Variants in TRPC3 observed in about 807,000 individuals in gnomAD.
The protein encoded by TRPC3 is transient receptor potential cation channel subfamily C member 3, also known as short transient receptor potential channel 3.
A neutral mutation model predicts 90.9 loss-of-function variants in TRPC3; 54 were observed. The observed-to-expected ratio is 0.59, with a 90% CI of 0.48 to 0.75. The LOEUF (loss-of-function observed/expected upper bound fraction) is 0.75, where lower values mean the gene tolerates loss of function less well. Among genes scored for constraint, TRPC3 ranks in the 30% least tolerant of loss-of-function variants. TRPC3 has a pLI of 0.00. For synonymous variants in TRPC3, 424 were observed against 450.9 expected (o/e 0.94, Z 0.75); for missense variants, 918 against 1,194.5 (o/e 0.77, Z 3.41).
intron 1 of TRPC3, among the ~76,000 whole-genome samples, chr4:121,945,575 G>T (rs1396672224): frequency 6.6e-6 from 1 of 152,048 alleles, no homozygotes; most frequent in Non-Finnish European, 1.5e-5. Flanking sequence ...GAAATTGAAA[G>T]CAAAAAAAAT....
intron 11 of TRPC3, among the ~76,000 whole-genome samples, chr4:121,881,876 G>C (rs374216106): frequency 1.3e-5 from 2 of 152,094 alleles, no homozygotes; most frequent in Non-Finnish European, 2.9e-5. Flanking sequence ...AGGAGGCAGG[G>C]GGGAAAGTGA....
chr4:121,875,781 GTGAC>G lies in TRPC3; in HGVS notation c.*3951_*3954del, dbSNP rs1727744999. ...CAACACGCTAGTGGTGGTCAGCTGA[GTGAC>G]TGAGTCATGAGTAAAAACATTAGTT... is the stretch of plus-strand genomic sequence containing the variant. On this transcript the variant is annotated 3_prime_UTR_variant, in exon 12 of 12. Transcript: ENST00000379645. Among the ~76,000 whole-genome samples, 1 of 151,822 alleles carries G rather than the reference GTGAC, an allele frequency of 6.6e-6. No individual in the cohort carries two copies. The highest frequency in any genetic ancestry group is 1.5e-5 in the Non-Finnish European group (1 of 67,980).
chr4:121,912,623 T>C (rs1309844703), intron 4 of TRPC3, among the ~76,000 whole-genome samples: 1 of 152,180 alleles, frequency 6.6e-6, no homozygotes, highest in Non-Finnish European at 1.5e-5. Flanking sequence ...TGGTATGCTA[T>C]AAAAAAGGCA....
chr4:121,939,089 G>A (rs1730222721), intron 1 of TRPC3, among the ~76,000 whole-genome samples: 1 of 152,072 alleles, frequency 6.6e-6, no homozygotes, highest in Non-Finnish European at 1.5e-5. Context: ...ATATATTAAG[G>A]TGCTCTTCTT....
At chr4:121,906,242 G>C (rs532912120) in intron 7 of TRPC3, among the ~76,000 whole-genome samples, 17 of 152,204 alleles carry the variant, frequency 1.1e-4, no homozygotes, top group African/African-American at 4.1e-4. Flanking sequence ...AGCAGAGATT[G>C]CATTCAAATC....
chr4:121,891,250 G>A (rs778018229), intron 10 of TRPC3, among the ~76,000 whole-genome samples: 4 of 152,078 alleles, frequency 2.6e-5, no homozygotes, highest in African/African-American at 4.8e-5. Flanking sequence ...GTATATTACA[G>A]GTAGTCAATA....
intron 1 of TRPC3, among the ~76,000 whole-genome samples, chr4:121,941,036 T>C (rs1730293363): frequency 6.6e-6 from 1 of 152,116 alleles, no homozygotes; most frequent in Non-Finnish European, 1.5e-5. Context: ...AGCTCAGAGG[T>C]CTTCCTGGCT....
chr4:121,894,694 T>C (rs1382887343), intron 10 of TRPC3, among the ~76,000 whole-genome samples: 1 of 150,588 alleles, frequency 6.6e-6, no homozygotes, highest in African/African-American at 2.4e-5. Flanking sequence ...TTCCCAAGTA[T>C]GTAGGATTAC....
chr4:121,926,784 T>C (rs1057327451), intron 2 of TRPC3, among the ~76,000 whole-genome samples: 1 of 152,208 alleles, frequency 6.6e-6, no homozygotes, highest in Non-Finnish European at 1.5e-5. Flanking sequence ...CATTATCCCT[T>C]GCCTTACTGG....
In TRPC3 at chr4:121,923,354, T is replaced by A. The variant is rs1196484326; in HGVS notation, c.1176+1664A>T. ...GCTTAGATAAGCTTGTTCCTCTACC[T>A]CCTCTTAGGATTCTGTGAGCTTCCT... On this transcript the variant is annotated intron_variant, in intron 3 of 11. Coordinates refer to ENST00000379645, the MANE Select transcript of TRPC3 (RefSeq NM_001130698.2). Among the ~76,000 whole-genome samples the A allele has an allele frequency of 2.0e-5, 3 of 152,160 alleles. No individual in the cohort carries two copies. In the East Asian group the frequency reaches 5.8e-4, roughly 29 times the overall value.
chr4:121,884,444 C>T lies in TRPC3; in HGVS notation c.2548-2015G>A, dbSNP rs147648544. 9.2e-5 allele frequency among the ~76,000 whole-genome samples: 14 copies of T among 152,054 alleles called. No homozygotes were observed. In the East Asian group the frequency reaches 1.9e-3, roughly 21 times the overall value. The stretch of plus-strand genomic sequence containing the variant: ...TTTCATAGGTGTGAATGTAATTATG[C>T]TTCATAATTTATTTTGCATTACACA... On this transcript the variant is annotated intron_variant, in intron 10 of 11. Coordinates refer to ENST00000379645, the MANE Select transcript of TRPC3 (RefSeq NM_001130698.2).
At position 121,932,669 on chromosome 4, in the gene TRPC3, G is replaced by A. The variant is rs375570247; in HGVS notation, c.589C>T (p.His197Tyr). ...CGCTTGCTGGCCGCGAAGCCAGGGT[G>A]GTTGAGGATGGCCTCTACGATGCGC... ...YVRIVEAILN[H>Y]PGFAASKRLT... The change falls in exon 2 of 12, where the codon CAC (histidine) becomes TAC (tyrosine). Residue 197 changes from histidine (H) to tyrosine (Y), a missense_variant. Transcript: ENST00000379645. This position sits in a 1 kb window ranked among gnomAD's most constrained non-coding sequence, Gnocchi z 7.7. 6.2e-7 allele frequency: 1 copy of A among 1,612,994 alleles called. No homozygotes were observed. Among genetic ancestry groups the A allele is most frequent in the African/African-American group, 1.3e-5 (1 of 75,058 alleles).
At chr4:121,887,106 G>A (rs939259059) in intron 10 of TRPC3, among the ~76,000 whole-genome samples, 6 of 152,284 alleles carry the variant, frequency 3.9e-5, no homozygotes, top group South Asian at 4.1e-4. Context: ...GCCCTCAGGC[G>A]TGGGTAGAGG....
rs1728921376 is a variant in TRPC3 at position 121,907,428 on chromosome 4, T to C, written c.1932A>G (p.Gly644=). ...ACTTGAATATGTCCTTTACAGTCCT[T>C]CCAAGAGAGATCTGCAGGGGGCCAA... ...ESFGPLQISL[G]RTVKDIFKFM... The change falls in exon 7 of 12, where the codon GGA becomes GGG. Residue 644 remains glycine (G), a synonymous_variant. Transcript: ENST00000379645. 6.2e-7 allele frequency: 1 copy of C among 1,613,340 alleles called. No individual in the cohort carries two copies. The highest frequency in any genetic ancestry group is 8.5e-7 in the Non-Finnish European group (1 of 1,179,582).
intron 10 of TRPC3, among the ~76,000 whole-genome samples, chr4:121,884,060 A>C (rs150614055): frequency 7.0e-4 from 107 of 152,324 alleles, no homozygotes; most frequent in Admixed American, 1.7e-3. Context: ...GACAAATTGC[A>C]GTATTTTCAA....
intron 6 of TRPC3, among the ~76,000 whole-genome samples, chr4:121,909,723 G>A (rs1049923572): frequency 3.9e-5 from 6 of 152,024 alleles, no homozygotes; most frequent in East Asian, 1.9e-4. Context: ...TTGAATTACC[G>A]TTCACTTTGC....
intron 1 of TRPC3, among the ~76,000 whole-genome samples, chr4:121,942,035 T>C (rs867501273): frequency 6.6e-6 from 1 of 152,058 alleles, no homozygotes. Flanking sequence ...ATTGTCACAG[T>C]AACAACCAAA....
At position 121,902,967 on chromosome 4, in the gene TRPC3, A is replaced by G. The variant is rs1386284134; in HGVS notation, c.2348T>C (p.Val783Ala). Reference sequence around the variant, plus strand: ...ATAAACAAATGATTTTGGACTAGGAACTAGACTGAAAGGTGGAGGTAATGT... The same window carrying G: ...ATAAACAAATGATTTTGGACTAGGAGCTAGACTGAAAGGTGGAGGTAATGT... ...GKTLPPPFSL[V>A]PSPKSFVYFI... Residue 783 changes from valine to alanine, a missense_variant, in exon 9 of 12, where the codon GTT (valine) becomes GCT (alanine). This residue lies in a region of TRPC3 where 121 missense variants were observed against 135.7 expected (regional missense o/e 0.89). Transcript: ENST00000379645. The G allele has an allele frequency of 6.2e-7, 1 of 1,613,498 alleles. No individual in the cohort carries two copies. The highest frequency in any genetic ancestry group is 2.2e-5 in the East Asian group (1 of 44,822).
At chr4:121,943,968 A>C (rs1186759251) in intron 1 of TRPC3, among the ~76,000 whole-genome samples, 2 of 152,152 alleles carry the variant, frequency 1.3e-5, no homozygotes, top group East Asian at 3.9e-4. Flanking sequence ...ACCTGACCTA[A>C]ATGCTAAATT....
Sources: gnomAD v4.1 joint callset for allele counts (sites outside exome capture counted in the v4.1 genomes callset) on GRCh38, gnomAD v4.1.1 for gene constraint, gnomAD v4.1.1 regional missense constraint, Gnocchi (gnomAD v3.1) non-coding constraint, MANE v1.5 for transcripts, NCBI Gene and HGNC (gene_info 2026-07-23, HGNC 2026-07-21) for gene names.